Variants in LMNB2 observed in about 807,000 individuals in gnomAD.
LMNB2 encodes the protein lamin B2, also known as lamin-B2.
Under a neutral mutation model 69.3 loss-of-function variants are expected in LMNB2, and 17 were observed. That is an observed-to-expected ratio of 0.25 (90% confidence interval 0.17 to 0.37). The LOEUF is 0.37. LMNB2 is among the 10% of genes least tolerant of loss of function. The pLI is 1.00. For synonymous variants in LMNB2, 397 were observed against 389.3 expected (o/e 1.02, Z -0.23); for missense variants, 789 against 883.6 (o/e 0.89, Z 1.36).
At chr19:2,434,668 C>T in intron 6 of LMNB2, 120 bp downstream of exon 6, 9 of 1,504,270 alleles carry the variant, frequency 6.0e-6, no homozygotes, top group Non-Finnish European at 8.0e-6. Context: ...AGGGGCATCG[C>T]TGGGCGCCCC....
At chr19:2,433,400 G>A (rs1418190435) in intron 8 of LMNB2, among the ~76,000 whole-genome samples, 2 of 35,800 alleles carry the variant, frequency 5.6e-5, no homozygotes, top group Admixed American at 2.8e-4. Context: ...CAGTCATTCC[G>A]GTCACCTTGT....
chr19:2,446,357 T>C (rs527332598), intron 1 of LMNB2, among the ~76,000 whole-genome samples: 24 of 151,864 alleles, frequency 1.6e-4, no homozygotes, highest in African/African-American at 5.6e-4. Flanking sequence ...AGCCCCTCCC[T>C]AAGCCCCGCG....
chr19:2,451,931 G>C (rs77142458), intron 1 of LMNB2, among the ~76,000 whole-genome samples: 9,035 of 151,786 alleles, frequency 0.06, 314 homozygotes, highest in African/African-American at 0.092. Flanking sequence ...GGACACCGGG[G>C]CAGGGGAAGA....
intron 8 of LMNB2, 58 bp from the exon 9 acceptor site, chr19:2,432,581 T>C: frequency 7.1e-7 from 1 of 1,416,306 alleles, no homozygotes; most frequent in Non-Finnish European, 1.0e-6. Context: ...ACCGCCCCCA[T>C]CGCCCTGGCT....
chr19:2,451,957 C>G (rs915733655), intron 1 of LMNB2, among the ~76,000 whole-genome samples: 1 of 151,620 alleles, frequency 6.6e-6, no homozygotes, highest in African/African-American at 2.4e-5. Context: ...GATGCCGAAG[C>G]CAGGTCTCCT....
At chr19:2,434,565 G>T in intron 6 of LMNB2, 50 bp from the exon 7 acceptor site, 1 of 1,582,026 alleles carries the variant, frequency 6.3e-7, no homozygotes, top group East Asian at 2.3e-5. Flanking sequence ...GGGTCACAAG[G>T]CCCAGGTGAT....
chr19:2,434,624 A>G, intron 6 of LMNB2, 109 bp from the exon 7 acceptor site: 1 of 1,504,190 alleles, frequency 6.6e-7, no homozygotes, highest in Non-Finnish European at 9.0e-7. Context: ...GGCAGAGACC[A>G]GGCCTGGGCA....
chr19:2,431,490 C>G (rs1312796314), intron 11 of LMNB2, 58 bp downstream of exon 11: 3 of 1,610,626 alleles, frequency 1.9e-6, no homozygotes, highest in Non-Finnish European at 2.5e-6. Flanking sequence ...TGTGTGTGCA[C>G]GAGCTCACTC....
rs898451676 is a variant in LMNB2 at position 2,447,534 on chromosome 19, G to A, written c.265-2994C>T. ...GGAGATATGAAAACGCGAAACCTAC[G>A]GGTGAGCTGGGTGAACCTTATGAGG... On this transcript the variant is annotated intron_variant, in intron 1 of 11. Coordinates refer to ENST00000325327, the MANE Select transcript of LMNB2 (RefSeq NM_032737.4). The surrounding 1 kb of genome is among the most constrained non-coding windows in gnomAD (Gnocchi z 4.4). 3.3e-5 allele frequency among the ~76,000 whole-genome samples: 5 copies of A among 152,150 alleles called. No individual in the cohort carries two copies. Among genetic ancestry groups the A allele is most frequent in the Non-Finnish European group, 5.9e-5 (4 of 68,020 alleles).
intron 8 of LMNB2, 125 bp from the exon 9 acceptor site, chr19:2,432,648 C>T: frequency 5.0e-6 from 4 of 795,052 alleles, no homozygotes; most frequent in Non-Finnish European, 8.8e-6. Context: ...CCCCATTACC[C>T]CCATGCCCTG....
intron 8 of LMNB2, 97 bp from the exon 9 acceptor site, chr19:2,432,620 C>A: frequency 2.1e-6 from 2 of 963,310 alleles, no homozygotes; most frequent in South Asian, 1.3e-5. Flanking sequence ...ACCCTGGTCA[C>A]CCCCACCAGC....
rs1482825530 is a variant in LMNB2 at position 2,434,407 on chromosome 19, G to A, written c.1090C>T (p.Arg364Trp). Residue 364 changes from arginine to tryptophan, a missense_variant, in exon 7 of 12, where the codon CGG becomes TGG. Transcript: ENST00000325327. ...GCCAGCTGCTGCTGCATCACGTCCC[G>A]CATCTCCGTCATCTCCTGCTCCTTG... ...DAKEQEMTEMRDVMQQQLAEY... is the reference protein window; with the variant it reads ...DAKEQEMTEMWDVMQQQLAEY... The A allele has an allele frequency of 1.9e-6, 3 of 1,613,464 alleles. No individual in the cohort carries two copies. The highest frequency in any genetic ancestry group is 1.7e-5 in the Admixed American group (1 of 60,026).
intron 9 of LMNB2, 88 bp downstream of exon 9, chr19:2,432,328 A>T (rs865779245): frequency 1.0e-5 from 4 of 387,780 alleles, no homozygotes; most frequent in South Asian, 2.7e-5. Context: ...ATCCCCACCC[A>T]CCCCCGCCAA....
chr19:2,428,484 G>A lies in LMNB2; in HGVS notation c.*2427C>T, dbSNP rs1012809642. On this transcript the variant is annotated 3_prime_UTR_variant, in exon 12 of 12. Transcript: ENST00000325327. ...ACCCCAGCCAAAGCCGCTGGCATGA[G>A]GACAGGTGCATGATCGGATTCTGGG... 6.6e-6 allele frequency: 1 copy of A among 152,286 alleles called. No homozygotes were observed. The highest frequency in any genetic ancestry group is 2.4e-5 in the African/African-American group (1 of 41,456). 9.4% of individuals were successfully genotyped at this position (152,286 alleles called of 1,614,324 possible).
chr19:2,453,033 C>CTGGGTCATCCTCGTGGGGGA lies in LMNB2; in HGVS notation c.264+3636_264+3637insTCCCCCACGAGGATGACCCA, dbSNP rs1568209812. ...GGGGGCTGGGTCATCCTCGTGGGGGCTGGGTCATCCTCGTGGGGGCTGGGT... is the reference window on the plus strand; with the variant it reads ...GGGGGCTGGGTCATCCTCGTGGGGGCTGGGTCATCCTCGTGGGGGATGGGTCATCCTCGTGGGGGCTGGGT... On this transcript the variant is annotated intron_variant, in intron 1 of 11. Transcript: ENST00000325327. This position sits in a 1 kb window ranked among gnomAD's most constrained non-coding sequence, Gnocchi z 4.4. 3.5e-5 allele frequency among the ~76,000 whole-genome samples: 4 copies of CTGGGTCATCCTCGTGGGGGA among 114,714 alleles called. No homozygotes were observed. Among genetic ancestry groups the CTGGGTCATCCTCGTGGGGGA allele is most frequent in the African/African-American group, 1.5e-4 (4 of 26,872 alleles). 75.3% of individuals were successfully genotyped at this position (114,714 alleles called of 152,430 possible). A position where few individuals can be genotyped will look rare whatever the true frequency, so the allele number is the denominator to read the frequency against.
rs568986656 is a variant in LMNB2, at chr19:2,430,572, C to T, written c.*339G>A. 3.3e-5 allele frequency: 14 copies of T among 421,540 alleles called. No homozygotes were observed. Among genetic ancestry groups the T allele is most frequent in the East Asian group, 5.1e-5 (1 of 19,542 alleles). The allele number at this position is 421,540 out of a possible 1,614,324, so 26.1% of individuals were successfully genotyped here. On this transcript the variant is annotated 3_prime_UTR_variant, in exon 12 of 12. Transcript: ENST00000325327. ...TTCCGCGCTCCGTCCGCAGCAGGGC[C>T]GTCTCCTGTCCCCTCGCTAGCCTCG...
intron 2 of LMNB2, among the ~76,000 whole-genome samples, chr19:2,438,887 G>A (rs959611319): frequency 8.5e-5 from 13 of 152,202 alleles, no homozygotes; most frequent in African/African-American, 3.1e-4. Context: ...TGAAGGGTCA[G>A]CCTTGTTTGT....
Position 2,431,516 on chromosome 19 carries a change from C to T in LMNB2, c.1821+32G>A, listed in dbSNP as rs748344399. The T allele has an allele frequency of 3.3e-5, 53 of 1,613,506 alleles. No individual in the cohort carries two copies. The South Asian group carries it at 3.7e-4, about 11-fold the overall frequency. On this transcript the variant is annotated intron_variant, in intron 11 of 11. Transcript: ENST00000325327. ...GAGCTCACTCTGCCCCAGAGGCTGC[C>T]CCCCAGCCGCAAGTGGGCACAGGGG...
chr19:2,428,906 A>G lies in LMNB2; in HGVS notation c.*2005T>C, dbSNP rs907235298. 1 of 151,736 alleles carries G rather than the reference A, an allele frequency of 6.6e-6. No homozygotes were observed. The highest frequency in any genetic ancestry group is 1.5e-5 in the Non-Finnish European group (1 of 67,972). The allele number at this position is 151,736 out of a possible 1,614,324, so 9.4% of individuals were successfully genotyped here. On this transcript the variant is annotated 3_prime_UTR_variant, in exon 12 of 12. Coordinates refer to ENST00000325327, the MANE Select transcript of LMNB2 (RefSeq NM_032737.4). ...TAAGGGCACCCGCAGTCCTAGGACC[A>G]CCCCCAGCTCCACCCAAGGCAAATG...
Sources: gnomAD v4.1 joint callset for allele counts (sites outside exome capture counted in the v4.1 genomes callset) on GRCh38, gnomAD v4.1.1 for gene constraint, Gnocchi (gnomAD v3.1) non-coding constraint, MANE v1.5 for transcripts, NCBI Gene and HGNC (gene_info 2026-07-23, HGNC 2026-07-21) for gene names.